KCNH1: variants seen among roughly 807,000 people sequenced by gnomAD.
The protein encoded by KCNH1 is potassium voltage-gated channel subfamily H member 1.
Under a neutral mutation model 69.2 loss-of-function variants are expected in KCNH1, and 27 were observed. The observed-to-expected ratio is 0.39, with a 90% confidence interval of 0.29 to 0.54. The LOEUF (loss-of-function observed/expected upper bound fraction) is 0.54, where lower values mean the gene tolerates loss of function less well. KCNH1 is among the 20% of genes least tolerant of loss of function. The pLI, the probability that KCNH1 is intolerant of heterozygous loss-of-function variation, is 0.68. For synonymous variants in KCNH1, 456 were observed against 487.7 expected (o/e 0.93, Z 0.86); for missense variants, 798 against 1,261.6 (o/e 0.63, Z 5.57).
chr1:211,087,355 G>T (rs1214954321), intron 4 of KCNH1, among the ~76,000 whole-genome samples: 1 of 152,090 alleles, frequency 6.6e-6, no homozygotes, highest in African/African-American at 2.4e-5. Flanking sequence ...GAAAACAAGA[G>T]GATTGACTCA....
chr1:210,965,228 A>G (rs965487188), intron 6 of KCNH1, among the ~76,000 whole-genome samples: 1 of 152,170 alleles, frequency 6.6e-6, no homozygotes, highest in Non-Finnish European at 1.5e-5. Flanking sequence ...CCTATTCAAC[A>G]TAGTGTTGGA....
rs199659908 is a variant in KCNH1 at position 211,082,775 on chromosome 1, C to G, written c.558+5G>C. The G allele has an allele frequency of 4.0e-5, 65 of 1,611,210 alleles. No individual in the cohort carries two copies. Among genetic ancestry groups the G allele is most frequent in the Non-Finnish European group, 5.9e-6 (7 of 1,177,862 alleles). ...GCTCAAGATGAGCTAACCCTTTGCC[C>G]TTACCTCTGCCAGGCGGGAGTGCTT... On this transcript the variant is annotated splice_donor_5th_base_variant and intron_variant, in intron 5 of 10. Coordinates refer to ENST00000271751, the MANE Select transcript of KCNH1 (RefSeq NM_172362.3).
intron 5 of KCNH1, among the ~76,000 whole-genome samples, chr1:211,037,958 C>CTTTT (rs749586546): frequency 5.7e-5 from 7 of 123,122 alleles, no homozygotes; most frequent in Non-Finnish European, 9.9e-5. Flanking sequence ...GCTTCTCCCT[C>CTTTT]TTTTTTTTTT....
chr1:210,834,721 A>T (rs1010932028), intron 7 of KCNH1, among the ~76,000 whole-genome samples: 1 of 150,804 alleles, frequency 6.6e-6, no homozygotes, highest in Non-Finnish European at 1.5e-5. Flanking sequence ...CCCCACTGTG[A>T]TGTGTGATGG....
chr1:210,703,841 TA>T (rs1017601679), intron 10 of KCNH1, among the ~76,000 whole-genome samples: 1 of 152,134 alleles, frequency 6.6e-6, no homozygotes, highest in Non-Finnish European at 1.5e-5. Context: ...GCTTAGTTTC[TA>T]ATTAATTATA....
At chr1:210,724,696 A>T (rs938287633) in intron 10 of KCNH1, among the ~76,000 whole-genome samples, 2 of 152,126 alleles carry the variant, frequency 1.3e-5, no homozygotes. Flanking sequence ...TTGAGGGTTC[A>T]GTTGTAGTTT....
At chr1:211,015,780 GT>G (rs1689481055) in intron 6 of KCNH1, among the ~76,000 whole-genome samples, 1 of 152,196 alleles carries the variant, frequency 6.6e-6, no homozygotes, top group Non-Finnish European at 1.5e-5. Flanking sequence ...GATCCCAGCT[GT>G]TTTAACAGGT....
Position 210,984,170 on chromosome 1 carries a change from GC to G in KCNH1, c.1032+34612del, listed in dbSNP as rs1456334530. Among the ~76,000 whole-genome samples, 7 of 152,316 alleles carry G rather than the reference GC, an allele frequency of 4.6e-5. No individual in the cohort carries two copies. In the East Asian group the frequency reaches 1.4e-3, roughly 29 times the overall value. Reference sequence around the variant, plus strand: ...GTCTATCAGCTTAAGGAGATTTTCAGCTGGGAAGACAATGGGGTTTTCTAGA... The same window carrying G: ...GTCTATCAGCTTAAGGAGATTTTCAGTGGGAAGACAATGGGGTTTTCTAGA... On this transcript the variant is annotated intron_variant, in intron 6 of 10. Transcript: ENST00000271751.
At chr1:210,973,965 C>A (rs1415152527) in intron 6 of KCNH1, among the ~76,000 whole-genome samples, 2 of 152,034 alleles carry the variant, frequency 1.3e-5, no homozygotes, top group Admixed American at 6.6e-5. Flanking sequence ...TTCTTGCCAT[C>A]TATTACTGAG....
intron 7 of KCNH1, among the ~76,000 whole-genome samples, chr1:210,917,843 G>A (rs758604879): frequency 1.3e-5 from 2 of 152,186 alleles, no homozygotes; most frequent in Non-Finnish European, 2.9e-5. Context: ...AACAGTTCTA[G>A]AAGAGAAAAG....
At chr1:211,022,800 A>G (rs1029647546) in intron 5 of KCNH1, among the ~76,000 whole-genome samples, 9 of 152,040 alleles carry the variant, frequency 5.9e-5, no homozygotes, top group Non-Finnish European at 1.2e-4. Context: ...TTAAATGGCT[A>G]TTATCAAAAA....
At chr1:210,986,955 C>T (rs573455220) in intron 6 of KCNH1, among the ~76,000 whole-genome samples, 3 of 152,220 alleles carry the variant, frequency 2.0e-5, no homozygotes, top group African/African-American at 7.2e-5. Context: ...TCACATAGTC[C>T]CATGTTTCTT....
chr1:211,050,642 T>C (rs1455574178), intron 5 of KCNH1, among the ~76,000 whole-genome samples: 1 of 152,260 alleles, frequency 6.6e-6, no homozygotes, highest in Non-Finnish European at 1.5e-5. Flanking sequence ...TGTATTCTTT[T>C]AACTTTTAAT....
chr1:210,968,012 G>C (rs1034119468), intron 6 of KCNH1, among the ~76,000 whole-genome samples: 2 of 147,780 alleles, frequency 1.4e-5, no homozygotes, highest in African/African-American at 2.5e-5. Flanking sequence ...TGCTATCCCC[G>C]CCCCCTCCCA....
Position 211,028,030 on chromosome 1 carries a change from AAC to A in KCNH1, c.559-8776_559-8775del, listed in dbSNP as rs1240343853. ...AGAATACTCTCCCCAACAGGAGCAA[AAC>A]ACAGTTTTTACAAGTGTACACAAAA... On this transcript the variant is annotated intron_variant, in intron 5 of 10. Transcript: ENST00000271751. Among the ~76,000 whole-genome samples, 47 of 152,298 alleles carry A rather than the reference AAC, an allele frequency of 3.1e-4. 1 individual carries two copies. Among genetic ancestry groups the A allele is most frequent in the Middle Eastern group, 6.8e-3 (2 of 294 alleles).
chr1:210,872,689 T>A (rs761157496), intron 7 of KCNH1, among the ~76,000 whole-genome samples: 28 of 152,028 alleles, frequency 1.8e-4, no homozygotes, highest in Non-Finnish European at 4.1e-4. Flanking sequence ...TACACACTTA[T>A]AAACGACCAG....
At chr1:210,908,024 G>A (rs994377808) in intron 7 of KCNH1, among the ~76,000 whole-genome samples, 8 of 152,292 alleles carry the variant, frequency 5.3e-5, no homozygotes, top group South Asian at 2.1e-4. Flanking sequence ...GATAAATGTC[G>A]AGTCATAGAA....
intron 6 of KCNH1, among the ~76,000 whole-genome samples, chr1:210,972,206 T>G (rs1688523104): frequency 6.6e-6 from 1 of 152,166 alleles, no homozygotes; most frequent in Admixed American, 6.6e-5. Flanking sequence ...CTTTATGAGT[T>G]ACAAAGCATT....
chr1:210,758,225 C>T (rs954211541), intron 10 of KCNH1, among the ~76,000 whole-genome samples: 1 of 152,206 alleles, frequency 6.6e-6, no homozygotes, highest in East Asian at 1.9e-4. Flanking sequence ...TCAAAGCAGG[C>T]ATTTTAGTTT....
Sources: gnomAD v4.1 joint callset for allele counts (sites outside exome capture counted in the v4.1 genomes callset) on GRCh38, gnomAD v4.1.1 for gene constraint, MANE v1.5 for transcripts, NCBI Gene and HGNC (gene_info 2026-07-23, HGNC 2026-07-21) for gene names.